The following HS3ST3B1 variants were observed in gnomAD, a reference collection of about 807,000 sequenced individuals.
The protein encoded by HS3ST3B1 is heparan sulfate glucosamine 3-O-sulfotransferase 3B1.
Under a neutral mutation model 21.3 loss-of-function variants are expected in HS3ST3B1, and 13 were observed. That is an observed-to-expected ratio of 0.61 (90% CI 0.40 to 0.97). The LOEUF (loss-of-function observed/expected upper bound fraction) is 0.97. HS3ST3B1 is among the 50% of genes least tolerant of loss of function. The pLI is 0.00. For missense variants in HS3ST3B1, 459 were observed against 554.8 expected, an observed-to-expected ratio of 0.83 and a Z score of 1.73; for synonymous variants, 234 against 254.8, an observed-to-expected ratio of 0.92 and a Z score of 0.78.
intron 1 of HS3ST3B1, among the ~76,000 whole-genome samples, chr17:14,342,242 TTC>T (rs1744385252): frequency 6.7e-6 from 1 of 149,960 alleles, no homozygotes; most frequent in South Asian, 2.1e-4. Context: ...AATGTGGAAA[TTC>T]TCTTTTTTTT....
At chr17:14,317,077 G>C (rs1200653464) in intron 1 of HS3ST3B1, among the ~76,000 whole-genome samples, 1 of 152,212 alleles carries the variant, frequency 6.6e-6, no homozygotes, top group Non-Finnish European at 1.5e-5. Context: ...CATGGTTTGT[G>C]GGTGAATAGT....
chr17:14,307,567 A>G (rs967878454), intron 1 of HS3ST3B1, among the ~76,000 whole-genome samples: 9 of 152,218 alleles, frequency 5.9e-5, no homozygotes, highest in Non-Finnish European at 1.0e-4. Flanking sequence ...AAAATTATTT[A>G]TAATTAAAAG....
At chr17:14,320,463 A>G (rs1041175034) in intron 1 of HS3ST3B1, among the ~76,000 whole-genome samples, 2 of 152,196 alleles carry the variant, frequency 1.3e-5, no homozygotes, top group Admixed American at 6.5e-5. Context: ...GAGTGACCGC[A>G]TGAGGGGAGT....
intron 1 of HS3ST3B1, chr17:14,328,153 A>G (rs1909874007): frequency 6.6e-6 from 1 of 152,246 alleles, no homozygotes; most frequent in African/African-American, 2.4e-5. Flanking sequence ...AGGCAACATC[A>G]TCTATCAAAA....
intron 1 of HS3ST3B1, among the ~76,000 whole-genome samples, chr17:14,320,058 G>A (rs1267446354): frequency 1.3e-5 from 2 of 152,148 alleles, no homozygotes; most frequent in Admixed American, 6.5e-5. Flanking sequence ...GATGTGAGAC[G>A]CCAGCGTGTG....
chr17:14,329,367 A>AGGAAGGAAGGAAGG (rs1340394610), intron 1 of HS3ST3B1: 75 of 106,216 alleles, frequency 7.1e-4, no homozygotes, highest in East Asian at 4.9e-3. Flanking sequence ...GAAAGAAAGA[A>AGGAAGGAAGGAAGG]AAGGAAGGAA....
At chr17:14,304,141 G>A (rs1298841112) in intron 1 of HS3ST3B1, 2 of 152,218 alleles carry the variant, frequency 1.3e-5, no homozygotes, top group African/African-American at 4.8e-5. Flanking sequence ...TGCGCTGCGA[G>A]CGGCCACGCA....
chr17:14,338,705 A>G (rs1173402877), intron 1 of HS3ST3B1, among the ~76,000 whole-genome samples: 1 of 152,036 alleles, frequency 6.6e-6, no homozygotes, highest in Non-Finnish European at 1.5e-5. Flanking sequence ...AGCCTCCCAT[A>G]ATGCTGGGAT....
intron 1 of HS3ST3B1, chr17:14,304,959 C>G (rs746075965): frequency 6.6e-6 from 1 of 152,152 alleles, no homozygotes; most frequent in East Asian, 1.9e-4. Flanking sequence ...AGTGGCCTAA[C>G]CAGTAACCCA....
chr17:14,329,325 GA>G (rs1567641182), intron 1 of HS3ST3B1: 1 of 98,488 alleles, frequency 1.0e-5, no homozygotes, highest in African/African-American at 4.2e-5. Flanking sequence ...GAGAAAGAAA[GA>G]AAGAAAGAAA....
chr17:14,332,839 T>C (rs866691628), intron 1 of HS3ST3B1, among the ~76,000 whole-genome samples: 2,822 of 148,448 alleles, frequency 0.019, 68 homozygotes, highest in South Asian at 0.064. Flanking sequence ...CTTTTTTTTT[T>C]TTTTTTTTTT....
chr17:14,343,213 G>A, intron 1 of HS3ST3B1, among the ~76,000 whole-genome samples: 1 of 151,466 alleles, frequency 6.6e-6, no homozygotes, highest in Non-Finnish European at 1.5e-5. Flanking sequence ...CTGCACTCCA[G>A]CCTGGGTGAC....
chr17:14,308,634 T>C (rs1298625618), intron 1 of HS3ST3B1, among the ~76,000 whole-genome samples: 1 of 152,200 alleles, frequency 6.6e-6, no homozygotes, highest in Non-Finnish European at 1.5e-5. Context: ...TAAAAAAAAG[T>C]ACACACACTA....
At chr17:14,306,766 C>T (rs1411323854) in intron 1 of HS3ST3B1, among the ~76,000 whole-genome samples, 2 of 151,996 alleles carry the variant, frequency 1.3e-5, no homozygotes, top group Non-Finnish European at 2.9e-5. Flanking sequence ...GAAGGAATTA[C>T]ACTCTCTTAG....
chr17:14,316,954 T>A (rs1402014115), intron 1 of HS3ST3B1, among the ~76,000 whole-genome samples: 1 of 152,258 alleles, frequency 6.6e-6, no homozygotes, highest in Admixed American at 6.5e-5. Flanking sequence ...TATCTCCTGA[T>A]ACACTTACCG....
At chr17:14,321,475 C>T (rs1403999267) in intron 1 of HS3ST3B1, among the ~76,000 whole-genome samples, 1 of 152,140 alleles carries the variant, frequency 6.6e-6, no homozygotes, top group African/African-American at 2.4e-5. Flanking sequence ...TCCATTTACA[C>T]ACTTCGTTTA....
intron 1 of HS3ST3B1, among the ~76,000 whole-genome samples, chr17:14,338,362 G>A (rs1035911170): frequency 6.6e-6 from 1 of 151,748 alleles, no homozygotes; most frequent in Non-Finnish European, 1.5e-5. Context: ...CTGACCTTGT[G>A]ATCTGCCCAC....
At chr17:14,338,453 G>GT (rs1359487061) in intron 1 of HS3ST3B1, among the ~76,000 whole-genome samples, 1 of 150,660 alleles carries the variant, frequency 6.6e-6, no homozygotes, top group Non-Finnish European at 1.5e-5. Flanking sequence ...TGGTTTGTTT[G>GT]TTTTTTGAGA....
chr17:14,329,673 AGTTTTT>A (rs1909945667), intron 1 of HS3ST3B1, among the ~76,000 whole-genome samples: 1 of 152,218 alleles, frequency 6.6e-6, no homozygotes, highest in Non-Finnish European at 1.5e-5. Flanking sequence ...AAGGAGACTC[AGTTTTT>A]CTTTGTCTCC....
Sources: allele counts gnomAD v4.1 joint callset (sites outside exome capture counted in the v4.1 genomes callset), GRCh38; gene constraint gnomAD v4.1.1; transcripts MANE v1.5; gene names NCBI Gene and HGNC (gene_info 2026-07-23, HGNC 2026-07-21).